The following ECT2L variants were observed in gnomAD, a reference collection of about 807,000 sequenced individuals.
ECT2L encodes the protein epithelial cell-transforming sequence 2 oncogene-like.
ECT2L carries 126 observed loss-of-function variants against 122.8 expected under a neutral mutation model. The observed-to-expected ratio is 1.03, with a 90% confidence interval of 0.89 to 1.19. The LOEUF is 1.19. Ranked by LOEUF, ECT2L falls within the 50% of genes most tolerant of loss-of-function variation. ECT2L has a pLI of 0.00. For missense variants in ECT2L, 1,012 were observed against 1,064.1 expected (o/e 0.95, Z 0.68); for synonymous variants, 385 against 381.8 (o/e 1.01, Z -0.10).
chr6:138,828,331 A>G (rs9389622), intron 4 of ECT2L, among the ~76,000 whole-genome samples: 8,887 of 152,210 alleles, frequency 0.058, 372 homozygotes, highest in East Asian at 0.2. Context: ...ATTTCTTTCA[A>G]TGTATAGGTT....
chr6:138,896,143 C>T (rs1247556579), intron 20 of ECT2L, among the ~76,000 whole-genome samples: 1 of 144,160 alleles, frequency 6.9e-6, no homozygotes, highest in African/African-American at 2.7e-5. Flanking sequence ...GCTGGCCAGG[C>T]TGGTCTTGAA....
At chr6:138,800,400 G>A (rs916251016) in intron 1 of ECT2L, among the ~76,000 whole-genome samples, 6 of 152,182 alleles carry the variant, frequency 3.9e-5, no homozygotes, top group African/African-American at 1.4e-4. Context: ...ATACACTAAG[G>A]TTTTGAGCCT....
chr6:138,822,853 T>C, intron 4 of ECT2L: 2 of 1,613,984 alleles, frequency 1.2e-6, no homozygotes, highest in Non-Finnish European at 1.7e-6. Flanking sequence ...AAAGAAGATG[T>C]CAGAGAATTT....
At chr6:138,887,473 G>A (rs1304026095) in intron 19 of ECT2L, among the ~76,000 whole-genome samples, 3 of 152,092 alleles carry the variant, frequency 2.0e-5, no homozygotes, top group East Asian at 1.9e-4. Context: ...TGATCTGCCC[G>A]CCTCGGCCTC....
At chr6:138,827,824 C>T (rs1776504668) in intron 4 of ECT2L, among the ~76,000 whole-genome samples, 1 of 152,202 alleles carries the variant, frequency 6.6e-6, no homozygotes, top group Admixed American at 6.5e-5. Flanking sequence ...TCCCAAAGTG[C>T]TAGGATTACA....
At chr6:138,897,045 T>G (rs2128414416) in intron 20 of ECT2L, among the ~76,000 whole-genome samples, 1 of 152,338 alleles carries the variant, frequency 6.6e-6, no homozygotes, top group South Asian at 2.1e-4. Flanking sequence ...TTAACAACAA[T>G]AACAAAACAC....
At chr6:138,840,589 T>A (rs199710755) in intron 5 of ECT2L, among the ~76,000 whole-genome samples, 2 of 34,316 alleles carry the variant, frequency 5.8e-5, no homozygotes, top group Non-Finnish European at 1.4e-4. Context: ...TGGCAGCTAA[T>A]TTTTTTTTAT....
intron 4 of ECT2L, among the ~76,000 whole-genome samples, chr6:138,833,051 T>C (rs1776705945): frequency 6.6e-6 from 1 of 152,008 alleles, no homozygotes; most frequent in South Asian, 2.1e-4. Flanking sequence ...GGAGGAACTG[T>C]CAAACGCCAA....
chr6:138,805,448 T>C (rs1434258537), intron 1 of ECT2L, among the ~76,000 whole-genome samples: 1 of 152,262 alleles, frequency 6.6e-6, no homozygotes, highest in Non-Finnish European at 1.5e-5. Flanking sequence ...TTTGTCAGTC[T>C]GTTCTGGATA....
intron 13 of ECT2L, among the ~76,000 whole-genome samples, chr6:138,868,638 A>C (rs533444272): frequency 6.6e-6 from 1 of 152,208 alleles, no homozygotes; most frequent in Non-Finnish European, 1.5e-5. Context: ...AGAGGAAGGG[A>C]AAGAGAACAC....
chr6:138,867,495 C>A (rs545582566), intron 12 of ECT2L, among the ~76,000 whole-genome samples: 1 of 151,844 alleles, frequency 6.6e-6, no homozygotes, highest in Admixed American at 6.6e-5. Flanking sequence ...GGAAACACAG[C>A]AAGACCCCAT....
chr6:138,803,197 A>G (rs1271816555), intron 1 of ECT2L, among the ~76,000 whole-genome samples: 1 of 152,020 alleles, frequency 6.6e-6, no homozygotes, highest in Non-Finnish European at 1.5e-5. Context: ...TTGAGGCTGC[A>G]GTAACCATGA....
intron 4 of ECT2L, chr6:138,823,437 C>A: frequency 6.2e-7 from 1 of 1,607,940 alleles, no homozygotes; most frequent in Non-Finnish European, 8.5e-7. Context: ...CATGAAGATG[C>A]CAAACATTAA....
intron 8 of ECT2L, among the ~76,000 whole-genome samples, chr6:138,847,966 G>A (rs546192264): frequency 6.6e-6 from 1 of 152,242 alleles, no homozygotes; most frequent in Admixed American, 6.5e-5. Flanking sequence ...TACAGTCATG[G>A]CAGAAGGCTA....
chr6:138,899,186 GA>G (rs1209672364), intron 20 of ECT2L, among the ~76,000 whole-genome samples: 1 of 151,716 alleles, frequency 6.6e-6, no homozygotes, highest in Non-Finnish European at 1.5e-5. Context: ...GAGAGGGAGG[GA>G]AAAAAAGGAG....
Position 138,893,608 on chromosome 6 carries a change from G to T in ECT2L, c.2414+4577G>T, listed in dbSNP as rs190063140. The stretch of plus-strand genomic sequence containing the variant: ...GGCTAATTTTTGTATTTTTAGTAGA[G>T]ACGGGGTTTTACCATGTTGGCCAGG... On this transcript the variant is annotated intron_variant, in intron 20 of 21. Coordinates refer to ENST00000541398, the MANE Select transcript of ECT2L (RefSeq NM_001077706.3). 4.7e-3 allele frequency among the ~76,000 whole-genome samples: 720 copies of T among 152,076 alleles called. 3 individuals carry two copies. Among genetic ancestry groups the T allele is most frequent in the Admixed American group, 0.022 (333 of 15,272 alleles).
intron 12 of ECT2L, among the ~76,000 whole-genome samples, chr6:138,867,155 G>C (rs913824583): frequency 4.6e-5 from 7 of 152,156 alleles, no homozygotes; most frequent in African/African-American, 1.7e-4. Flanking sequence ...AGGAACTCCT[G>C]GTAGGATCGA....
intron 21 of ECT2L, 44 bp from the exon 22 acceptor site, chr6:138,902,456 G>C (rs1562501341): frequency 1.9e-6 from 3 of 1,541,744 alleles, no homozygotes; most frequent in African/African-American, 1.6e-5. Context: ...CATTTTGATT[G>C]TTATCTGCAA....
At chr6:138,887,560 C>G (rs1407066593) in intron 19 of ECT2L, among the ~76,000 whole-genome samples, 1 of 152,172 alleles carries the variant, frequency 6.6e-6, no homozygotes, top group Non-Finnish European at 1.5e-5. Flanking sequence ...GCATATGATA[C>G]CTGGTGCAGG....
Sources: gnomAD v4.1 joint callset for allele counts (sites outside exome capture counted in the v4.1 genomes callset) on GRCh38, gnomAD v4.1.1 for gene constraint, MANE v1.5 for transcripts, NCBI Gene and HGNC (gene_info 2026-07-23, HGNC 2026-07-21) for gene names.